BPIFB1: variants seen among roughly 807,000 people sequenced by gnomAD.
The protein encoded by BPIFB1 is BPI fold-containing family B member 1.
Under a neutral mutation model 55.1 loss-of-function variants are expected in BPIFB1, and 34 were observed. The ratio of observed to expected loss-of-function variants is 0.62; its 90% confidence interval spans 0.47 to 0.82. The LOEUF (loss-of-function observed/expected upper bound fraction) is 0.82. BPIFB1 is among the 40% of genes least tolerant of loss of function. BPIFB1 has a pLI of 0.00. For missense variants in BPIFB1, 532 were observed against 593.1 expected (o/e 0.90, Z 1.07); for synonymous variants, 236 against 245.3 (o/e 0.96, Z 0.35).
chr20:33,306,915 A>C lies in BPIFB1; in HGVS notation c.1323A>C (p.Lys441Asn). The part of the protein sequence containing the change: ...HSILLPNQNG[K>N]LRSGVPVSLV... ...TGACCACATTTGTTATTTCAGGCAA[A>C]TTAAGATCTGGGGTCCCAGTGTCAT... The change falls in exon 15 of 16, where the codon AAA becomes AAC. Residue 441 changes from lysine (K) to asparagine (N), a missense_variant. Physicochemically the swap from Lys to Asn is moderately conservative, Grantham distance 94. Coordinates refer to ENST00000253354, the MANE Select transcript of BPIFB1 (RefSeq NM_033197.3). The C allele has an allele frequency of 1.2e-6, 2 of 1,613,976 alleles. No homozygotes were observed. The highest frequency in any genetic ancestry group is 1.7e-6 in the Non-Finnish European group (2 of 1,179,786).
chr20:33,299,086 G>A (rs1451239510), intron 7 of BPIFB1: 1 of 454,284 alleles, frequency 2.2e-6, no homozygotes, highest in East Asian at 7.0e-5. Context: ...GTGCTGCCCT[G>A]GCGGGCACTA....
chr20:33,286,153 C>T lies in BPIFB1; in HGVS notation c.80C>T (p.Ala27Val). The T allele has an allele frequency of 6.2e-7, 1 of 1,614,230 alleles. No individual in the cohort carries two copies. Among genetic ancestry groups the T allele is most frequent in the South Asian group, 1.1e-5 (1 of 91,082 alleles). The part of the protein sequence containing the change: ...TLIQATLSPT[A>V]VLILGPKVIK... ...ATCCAAGCCACCCTCAGTCCCACTGCAGTTCTCATCCTCGGCCCAAAAGTC... is the reference window on the plus strand; with the variant it reads ...ATCCAAGCCACCCTCAGTCCCACTGTAGTTCTCATCCTCGGCCCAAAAGTC... Residue 27 changes from alanine (A) to valine (V), a missense_variant, in exon 2 of 16, where the codon GCA (alanine) becomes GTA (valine). Coordinates refer to ENST00000253354, the MANE Select transcript of BPIFB1 (RefSeq NM_033197.3).
chr20:33,308,583 TACAA>T (rs1338320296), intron 15 of BPIFB1, among the ~76,000 whole-genome samples: 10 of 105,826 alleles, frequency 9.4e-5, no homozygotes, highest in African/African-American at 4.0e-5. Flanking sequence ...CACACGCACA[TACAA>T]ACACATACAC....
intron 2 of BPIFB1, among the ~76,000 whole-genome samples, chr20:33,286,841 A>T (rs533411938): frequency 6.6e-6 from 1 of 152,376 alleles, no homozygotes; most frequent in African/African-American, 2.4e-5. Context: ...ACAACCAAAA[A>T]GGTCTCCAGA....
chr20:33,295,678 AAGAG>A (rs201824775), intron 6 of BPIFB1, among the ~76,000 whole-genome samples: 2 of 150,612 alleles, frequency 1.3e-5, no homozygotes, highest in Non-Finnish European at 3.0e-5. Flanking sequence ...GAAAGAAAGA[AAGAG>A]AGAAAAAAAG....
intron 4 of BPIFB1, 106 bp from the exon 5 acceptor site, chr20:33,290,851 G>T (rs1683395580): frequency 1.6e-6 from 2 of 1,270,238 alleles, no homozygotes; most frequent in African/African-American, 1.5e-5. Context: ...AACCAGCAAA[G>T]GAGACTGAGG....
In BPIFB1 at chr20:33,286,182, A is replaced by G; in HGVS notation, c.109A>G (p.Lys37Glu). The G allele has an allele frequency of 1.2e-6, 2 of 1,614,184 alleles. No individual in the cohort carries two copies. The highest frequency in any genetic ancestry group is 1.7e-6 in the Non-Finnish European group (2 of 1,180,006). Residue 37 changes from lysine to glutamate, a missense_variant, in exon 2 of 16, where the codon AAA (lysine) becomes GAA (glutamate). Transcript: ENST00000253354. ...AVLILGPKVI[K>E]EKLTQELKDH... ...TCTCATCCTCGGCCCAAAAGTCATC[A>G]AAGAAAGTAAGTTTTGTCCCTCCGG...
intron 6 of BPIFB1, among the ~76,000 whole-genome samples, chr20:33,294,220 G>A (rs1247680932): frequency 2.0e-5 from 3 of 152,128 alleles, no homozygotes; most frequent in Non-Finnish European, 2.9e-5. Flanking sequence ...ATCTTAAAAG[G>A]TTAATTTCAG....
chr20:33,309,828 C>CTA lies in BPIFB1; in HGVS notation c.*64_*65dup. On this transcript the variant is annotated 3_prime_UTR_variant, in exon 16 of 16. Transcript: ENST00000253354. This position sits in a 1 kb window ranked among gnomAD's most constrained non-coding sequence, Gnocchi z 4.4. Reference sequence around the variant, plus strand: ...CCAGCTGGGAGTATGGGTGTGAGCTCTATAGACCATCCCTCTCTGCAATCA... The same window carrying CTA: ...CCAGCTGGGAGTATGGGTGTGAGCTCTATATAGACCATCCCTCTCTGCAATCA... 7.0e-7 allele frequency: 1 copy of CTA among 1,425,752 alleles called. No homozygotes were observed. Among genetic ancestry groups the CTA allele is most frequent in the Non-Finnish European group, 9.9e-7 (1 of 1,010,846 alleles). The allele number at this position is 1,425,752 out of a possible 1,614,324, so 88.3% of individuals were successfully genotyped here.
At position 33,309,606 on chromosome 20, in the gene BPIFB1, C is replaced by T; in HGVS notation, c.1396-102C>T. The T allele has an allele frequency of 1.8e-6, 2 of 1,102,114 alleles. No individual in the cohort carries two copies. The highest frequency in any genetic ancestry group is 1.8e-5 in the Admixed American group (1 of 56,098). The allele number at this position is 1,102,114 out of a possible 1,614,324, so 68.3% of individuals were successfully genotyped here. On this transcript the variant is annotated intron_variant, in intron 15 of 15. Transcript: ENST00000253354. This position sits in a 1 kb window ranked among gnomAD's most constrained non-coding sequence, Gnocchi z 4.4. The stretch of plus-strand genomic sequence containing the variant: ...GTATTTGTGGGTTCAGGGTCATGGT[C>T]CCCCGGTGCCAGCAGTCACCTTATG...
intron 15 of BPIFB1, among the ~76,000 whole-genome samples, chr20:33,308,397 C>T (rs542436765): frequency 1.3e-5 from 2 of 152,200 alleles, no homozygotes; most frequent in South Asian, 4.1e-4. Context: ...TCTGAGGCAA[C>T]ATCCAAGGCA....
intron 5 of BPIFB1, among the ~76,000 whole-genome samples, 189 bp from the exon 6 acceptor site, chr20:33,291,718 C>A (rs1473194819): frequency 6.6e-6 from 1 of 152,238 alleles, no homozygotes; most frequent in Non-Finnish European, 1.5e-5. Flanking sequence ...CCAGCCGCTG[C>A]TTTCTGATAA....
chr20:33,297,588 G>C lies in BPIFB1; in HGVS notation c.661G>C (p.Val221Leu), dbSNP rs1980696063. The change falls in exon 7 of 16, where the codon GTG (valine) becomes CTG (leucine). Residue 221 changes from valine (V) to leucine (L), a missense_variant and splice_region_variant. Coordinates refer to ENST00000253354, the MANE Select transcript of BPIFB1 (RefSeq NM_033197.3). ...TGCAGACCTCCTGCAGCTGGTGAAG[G>C]GTAGGTGCTCTGCTCTCTCTCCCAC... ...MYADLLQLVK[V>L]PISLSIDRLE... The C allele has an allele frequency of 1.2e-6, 2 of 1,614,038 alleles. No individual in the cohort carries two copies. Among genetic ancestry groups the C allele is most frequent in the African/African-American group, 1.3e-5 (1 of 74,928 alleles).
chr20:33,306,997 T>C lies in BPIFB1; in HGVS notation c.1395+10T>C, dbSNP rs559890552. On this transcript the variant is annotated intron_variant, in intron 15 of 15. Coordinates refer to ENST00000253354, the MANE Select transcript of BPIFB1 (RefSeq NM_033197.3). ...GTCCTCACTGACCAAGGTGAGTGGGTGTGGCCCTAAACATCCTGCCCCAGG... is the reference window on the plus strand; with the variant it reads ...GTCCTCACTGACCAAGGTGAGTGGGCGTGGCCCTAAACATCCTGCCCCAGG... 3.7e-5 allele frequency: 60 copies of C among 1,612,962 alleles called. No homozygotes were observed. The South Asian group carries it at 6.4e-4, about 17-fold the overall frequency.
chr20:33,302,300 C>T (rs1306474465), intron 9 of BPIFB1, 59 bp from the exon 10 acceptor site: 2 of 1,556,462 alleles, frequency 1.3e-6, no homozygotes, highest in Non-Finnish European at 1.8e-6. Flanking sequence ...CAGTGGGGTG[C>T]AGGAGATGTG....
At chr20:33,283,881 C>T (rs1160584060) in intron 1 of BPIFB1, among the ~76,000 whole-genome samples, 1 of 151,918 alleles carries the variant, frequency 6.6e-6, no homozygotes. Context: ...CTCGTGGGTC[C>T]CTGGGTTTCT....
At chr20:33,302,473 T>G in intron 10 of BPIFB1, 61 bp downstream of exon 10, 1 of 1,560,724 alleles carries the variant, frequency 6.4e-7, no homozygotes, top group Non-Finnish European at 8.8e-7. Flanking sequence ...CACAGGCCTC[T>G]GGGGAGGAGA....
intron 9 of BPIFB1, among the ~76,000 whole-genome samples, chr20:33,301,940 G>A (rs1980869033): frequency 6.6e-6 from 1 of 152,186 alleles, no homozygotes; most frequent in African/African-American, 2.4e-5. Flanking sequence ...TCCAGAGGGG[G>A]AAAGGGTTGG....
rs1370608753 is a variant in BPIFB1 at position 33,306,046 on chromosome 20, C to A, written c.1299C>A (p.Ile433=). 6.2e-7 allele frequency: 1 copy of A among 1,614,156 alleles called. No individual in the cohort carries two copies. Among genetic ancestry groups the A allele is most frequent in the East Asian group, 2.2e-5 (1 of 44,884 alleles). The change falls in exon 14 of 16, where the codon ATC becomes ATA. Residue 433 remains isoleucine, a synonymous_variant. Coordinates refer to ENST00000253354, the MANE Select transcript of BPIFB1 (RefSeq NM_033197.3). The part of the protein sequence containing the change: ...KNIITEIIHS[I]LLPNQNGKLR... ...TCATCACTGAGATCATCCACTCCATCCTGCTGCCGAACCAGAATGGTGCAT... is the reference window on the plus strand; with the variant it reads ...TCATCACTGAGATCATCCACTCCATACTGCTGCCGAACCAGAATGGTGCAT...
Sources: allele counts gnomAD v4.1 joint callset (sites outside exome capture counted in the v4.1 genomes callset), GRCh38; gene constraint gnomAD v4.1.1; non-coding constraint Gnocchi (gnomAD v3.1); transcripts MANE v1.5; gene names NCBI Gene and HGNC (gene_info 2026-07-23, HGNC 2026-07-21).